Variants in USH2A observed in about 807,000 individuals in gnomAD.
USH2A encodes usherin.
In USH2A, 443 loss-of-function variants were observed where a neutral mutation model predicts 538.9. The observed-to-expected ratio is 0.82, with a 90% CI of 0.76 to 0.89. The LOEUF (loss-of-function observed/expected upper bound fraction) is 0.89, where lower values mean the gene tolerates loss of function less well. Among genes scored for constraint, USH2A ranks in the 40% least tolerant of loss-of-function variants. The probability of loss-of-function intolerance (pLI) is 0.00; values close to 1 mark genes in which losing one functional copy is unlikely to be tolerated. For missense variants in USH2A, 6,633 were observed against 6,324.8 expected (o/e 1.05, Z -1.65); for synonymous variants, 2,413 against 2,273.5 (o/e 1.06, Z -1.75).
At chr1:216,112,312 G>A (rs1460488924) in intron 21 of USH2A, among the ~76,000 whole-genome samples, 2 of 151,926 alleles carry the variant, frequency 1.3e-5, no homozygotes, top group Admixed American at 1.3e-4. Flanking sequence ...TATTAGATTA[G>A]CATTCTAAAA....
intron 40 of USH2A, among the ~76,000 whole-genome samples, chr1:215,891,869 G>A (rs1665218149): frequency 6.6e-6 from 1 of 152,084 alleles, no homozygotes; most frequent in Non-Finnish European, 1.5e-5. Context: ...GCTCTCCGTG[G>A]GTGTAATTGT....
Position 216,292,234 on chromosome 1 carries a change from G to A in USH2A, c.1781C>T (p.Pro594Leu). The A allele has an allele frequency of 6.2e-7, 1 of 1,614,090 alleles. No homozygotes were observed. Among genetic ancestry groups the A allele is most frequent in the African/African-American group, 1.3e-5 (1 of 75,054 alleles). Residue 594 changes from proline to leucine, a missense_variant, in exon 10 of 72, where the codon CCT becomes CTT. By Grantham distance (98) the Pro-to-Leu change is moderately conservative. Coordinates refer to ENST00000307340, the MANE Select transcript of USH2A (RefSeq NM_206933.4). The stretch of plus-strand genomic sequence containing the variant: ...TCCTCCCCCTCTGAAGTGCTCAAAA[G>A]GAAATGGGTCTACAGAGATGTTGTA... ...CHYNISVDPF[P>L]FEHFRGGGGV...
intron 64 of USH2A, among the ~76,000 whole-genome samples, chr1:215,666,217 G>C (rs1053436731): frequency 1.3e-5 from 2 of 152,088 alleles, no homozygotes; most frequent in Non-Finnish European, 2.9e-5. Context: ...TACCACCAAA[G>C]ACCGGACCTC....
In USH2A at chr1:215,998,900, A is replaced by G; in HGVS notation, c.6644T>C (p.Leu2215Pro). Reference sequence around the variant, plus strand: ...AAATAAACTTACTCCCAGCTTGATGAGATATTTATTACCAGGTAAAACGTA... The same window carrying G: ...AAATAAACTTACTCCCAGCTTGATGGGATATTTATTACCAGGTAAAACGTA... ...LQYVLPGNKY[L>P]IKLGACTGGG... is the part of the protein sequence containing the mutation. Residue 2215 changes from leucine to proline, a missense_variant, in exon 34 of 72, where the codon CTC becomes CCC. Transcript: ENST00000307340. 6.2e-7 allele frequency: 1 copy of G among 1,613,120 alleles called. No homozygotes were observed.
At chr1:216,252,611 A>G (rs929998903) in intron 11 of USH2A, among the ~76,000 whole-genome samples, 1 of 152,230 alleles carries the variant, frequency 6.6e-6, no homozygotes, top group African/African-American at 2.4e-5. Flanking sequence ...TTGATATGAA[A>G]ATATCTAAGA....
At chr1:216,037,887 T>A (rs564968753) in intron 32 of USH2A, among the ~76,000 whole-genome samples, 26 of 151,968 alleles carry the variant, frequency 1.7e-4, no homozygotes, top group African/African-American at 6.0e-4. Context: ...CCCCTCTATG[T>A]GTCCATGAGT....
At chr1:215,960,271 TATAA>T (rs1419637534) in intron 37 of USH2A, among the ~76,000 whole-genome samples, 22 of 152,180 alleles carry the variant, frequency 1.4e-4, no homozygotes, top group Admixed American at 1.1e-3. Flanking sequence ...TTTATAATTT[TATAA>T]ATAGTTTTAC....
At chr1:215,958,851 C>A (rs946853024) in intron 37 of USH2A, among the ~76,000 whole-genome samples, 3 of 152,078 alleles carry the variant, frequency 2.0e-5, no homozygotes, top group Non-Finnish European at 2.9e-5. Context: ...TTTGCAGAAT[C>A]CTTGGTGTTT....
In USH2A at chr1:216,200,091, A is replaced by G. The variant is rs2034950420; in HGVS notation, c.3347T>C (p.Leu1116Ser). The G allele has an allele frequency of 4.3e-6, 7 of 1,613,638 alleles. No individual in the cohort carries two copies. Among genetic ancestry groups the G allele is most frequent in the African/African-American group, 2.7e-5 (2 of 74,844 alleles). Residue 1116 changes from leucine (L) to serine (S), a missense_variant, in exon 17 of 72, where the codon TTA (leucine) becomes TCA (serine). Physicochemically the swap from Leu to Ser is moderately radical, Grantham distance 145. Coordinates refer to ENST00000307340, the MANE Select transcript of USH2A (RefSeq NM_206933.4). ...SIQYFLDTDL[L>S]PYTKYSYYIE... ...GTAATAGGAATATTTGGTATATGGT[A>G]ACAGGTCTGTGTCTAAGAAGTATTG...
intron 9 of USH2A, among the ~76,000 whole-genome samples, chr1:216,297,502 A>G (rs1344576398): frequency 6.6e-6 from 1 of 152,112 alleles, no homozygotes; most frequent in African/African-American, 2.4e-5. Context: ...CAAATCCTGG[A>G]AGTTATTACA....
intron 64 of USH2A, among the ~76,000 whole-genome samples, chr1:215,651,840 T>C (rs912228688): frequency 1.3e-5 from 2 of 152,236 alleles, no homozygotes; most frequent in South Asian, 4.1e-4. Flanking sequence ...AGTAGTTAGG[T>C]CAACTCCTAT....
At chr1:216,418,749 A>T (rs945654568) in intron 2 of USH2A, 70 bp from the exon 3 acceptor site, 5 of 1,569,872 alleles carry the variant, frequency 3.2e-6, no homozygotes, top group Admixed American at 3.4e-5. Flanking sequence ...GGTATTGTGC[A>T]GTTACAGTGG....
At chr1:216,385,244 T>C (rs1293258851) in intron 3 of USH2A, among the ~76,000 whole-genome samples, 2 of 152,124 alleles carry the variant, frequency 1.3e-5, no homozygotes, top group African/African-American at 4.8e-5. Context: ...GAGGAGTGGA[T>C]GAATGAGCAC....
chr1:215,818,373 T>C (rs78171670), intron 47 of USH2A, among the ~76,000 whole-genome samples: 1 of 151,992 alleles, frequency 6.6e-6, no homozygotes, highest in East Asian at 1.9e-4. Context: ...AAACATACTT[T>C]GCTTAATTTT....
intron 61 of USH2A, among the ~76,000 whole-genome samples, chr1:215,697,853 G>T (rs149323152): frequency 0.01 from 1,579 of 152,208 alleles, 23 homozygotes; most frequent in African/African-American, 0.033. Context: ...TACACTTTAA[G>T]TTCTGGGATA....
At position 216,153,871 on chromosome 1, in the gene USH2A, A is replaced by G. The variant is rs117706590; in HGVS notation, c.4627+21381T>C. Among the ~76,000 whole-genome samples, 70 of 152,306 alleles carry G rather than the reference A, an allele frequency of 4.6e-4. No individual in the cohort carries two copies. The East Asian group carries it at 0.013, about 28-fold the overall frequency. Reference sequence around the variant, plus strand: ...CTGCTGCTTGCTGCCTCCACTCAACACATTTTAAGTGAGGGTCAAATTGAT... The same window carrying G: ...CTGCTGCTTGCTGCCTCCACTCAACGCATTTTAAGTGAGGGTCAAATTGAT... On this transcript the variant is annotated intron_variant, in intron 21 of 71. Transcript: ENST00000307340.
intron 13 of USH2A, among the ~76,000 whole-genome samples, chr1:216,244,896 A>C (rs1361382326): frequency 6.6e-6 from 1 of 152,172 alleles, no homozygotes; most frequent in East Asian, 1.9e-4. Flanking sequence ...TGGAACAGTA[A>C]ATTTTAACAA....
chr1:215,731,081 A>G (rs982002674), intron 60 of USH2A, among the ~76,000 whole-genome samples: 1 of 152,188 alleles, frequency 6.6e-6, no homozygotes, highest in South Asian at 2.1e-4. Context: ...CAATTCAATT[A>G]ATTTTTATTA....
intron 4 of USH2A, among the ~76,000 whole-genome samples, chr1:216,333,018 C>A (rs1056311217): frequency 6.6e-6 from 1 of 151,960 alleles, no homozygotes; most frequent in Admixed American, 6.6e-5. Flanking sequence ...TTAAACTTAC[C>A]AGACAAAGAC....
Sources: allele counts gnomAD v4.1 joint callset (sites outside exome capture counted in the v4.1 genomes callset), GRCh38; gene constraint gnomAD v4.1.1; transcripts MANE v1.5; gene names NCBI Gene and HGNC (gene_info 2026-07-23, HGNC 2026-07-21).